The following TARS3 variants were observed in gnomAD, a reference collection of about 807,000 sequenced individuals.
The protein encoded by TARS3 is threonyl-tRNA synthetase 3.
In TARS3, 94 loss-of-function variants were observed where a neutral mutation model predicts 103.5. The observed-to-expected ratio is 0.91, with a 90% CI of 0.77 to 1.08. TARS3 has a LOEUF of 1.08. TARS3 is among the 50% of genes least tolerant of loss of function. The probability of loss-of-function intolerance (pLI) is 0.00; values close to 1 mark genes in which losing one functional copy is unlikely to be tolerated. For synonymous variants in TARS3, 416 were observed against 355.4 expected (o/e 1.17, Z -1.92); for missense variants, 952 against 995.2 (o/e 0.96, Z 0.58).
intron 1 of TARS3, among the ~76,000 whole-genome samples, 160 bp from the exon 2 acceptor site, chr15:101,723,324 C>A (rs1441867689): frequency 6.6e-6 from 1 of 152,160 alleles, no homozygotes; most frequent in African/African-American, 2.4e-5. Flanking sequence ...AAGTCATTCT[C>A]CAGGGTTCAG....
chr15:101,655,795 C>T, intron 18 of TARS3: 1 of 1,206,998 alleles, frequency 8.3e-7, no homozygotes, highest in South Asian at 1.5e-5. Flanking sequence ...CTCACACTGA[C>T]CCCACCTGGC....
At chr15:101,698,573 T>C (rs1899097351) in intron 10 of TARS3, among the ~76,000 whole-genome samples, 1 of 152,176 alleles carries the variant, frequency 6.6e-6, no homozygotes, top group Non-Finnish European at 1.5e-5. Flanking sequence ...CCTCCTACTC[T>C]ACCCCACTCC....
intron 4 of TARS3, 73 bp from the exon 5 acceptor site, chr15:101,712,074 A>T (rs1181008478): frequency 6.7e-7 from 1 of 1,495,034 alleles, no homozygotes; most frequent in Non-Finnish European, 8.9e-7. Flanking sequence ...AAATGATGTA[A>T]ACCAGTAGAA....
intron 10 of TARS3, among the ~76,000 whole-genome samples, chr15:101,696,357 G>C (rs1898981608): frequency 6.6e-6 from 1 of 151,900 alleles, no homozygotes; most frequent in South Asian, 2.1e-4. Context: ...GCCAATGCCT[G>C]ATGTTTTTAG....
intron 12 of TARS3, among the ~76,000 whole-genome samples, chr15:101,681,220 GT>G (rs1385336006): frequency 1.3e-5 from 2 of 152,082 alleles, no homozygotes; most frequent in East Asian, 1.9e-4. Context: ...TTCCAAATTT[GT>G]TTTTATCTTT....
intron 5 of TARS3, 45 bp from the exon 6 acceptor site, chr15:101,708,955 T>C (rs377173953): frequency 4.0e-6 from 5 of 1,251,300 alleles, no homozygotes; most frequent in African/African-American, 3.1e-5. Flanking sequence ...CCAGACATTA[T>C]GCATTCCCTC....
chr15:101,691,783 T>A (rs1898736383), intron 10 of TARS3, among the ~76,000 whole-genome samples: 1 of 152,222 alleles, frequency 6.6e-6, no homozygotes, highest in Non-Finnish European at 1.5e-5. Context: ...GCCTTGTTGA[T>A]CCTAGATATC....
At chr15:101,674,125 T>C (rs1274142021) in intron 13 of TARS3, among the ~76,000 whole-genome samples, 2 of 152,226 alleles carry the variant, frequency 1.3e-5, no homozygotes, top group African/African-American at 4.8e-5. Context: ...ATGTGAACCG[T>C]CCTTTCGTCC....
At chr15:101,715,016 CCTTAAAATATTAAAAGAATTT>C in intron 3 of TARS3, 53 bp from the exon 4 acceptor site, 1 of 1,498,164 alleles carries the variant, frequency 6.7e-7, no homozygotes, top group South Asian at 1.4e-5. Context: ...TACAATGATT[CCTTAAAATATTAAAAGAATTT>C]CTAGGGTTTT....
chr15:101,664,165 C>G (rs1038592923), intron 15 of TARS3: 1 of 152,358 alleles, frequency 6.6e-6, no homozygotes, highest in Non-Finnish European at 1.5e-5. Flanking sequence ...GTCATCATTT[C>G]TTACCTGGTC....
chr15:101,661,798 C>T lies in TARS3; in HGVS notation c.1986G>A (p.Lys662=), dbSNP rs961091019. 2.5e-6 allele frequency: 4 copies of T among 1,603,048 alleles called. No homozygotes were observed. The highest frequency in any genetic ancestry group is 2.7e-5 in the African/African-American group (2 of 74,650). Residue 662 remains lysine (K), a synonymous_variant, in exon 16 of 19, where the codon AAG becomes AAA. Coordinates refer to ENST00000335968, the MANE Select transcript of TARS3 (RefSeq NM_152334.3). The stretch of plus-strand genomic sequence containing the variant: ...CTCGATGAATGATCACAGGTCTCTT[C>T]TTATCATCCCCATCCTTACTAAAAA... ...LTYVSKDGDD[K]KRPVIIHRAI...
chr15:101,661,464 G>A (rs1897374499), intron 16 of TARS3, among the ~76,000 whole-genome samples: 1 of 151,342 alleles, frequency 6.6e-6, no homozygotes, highest in Non-Finnish European at 1.5e-5. Flanking sequence ...AAAGGTAAAT[G>A]GTACAGTTTT....
At chr15:101,693,205 A>G (rs143089467) in intron 10 of TARS3, among the ~76,000 whole-genome samples, 293 of 152,328 alleles carry the variant, frequency 1.9e-3, no homozygotes, top group Non-Finnish European at 3.4e-3. Context: ...AGACAAACCC[A>G]AGACTGGGTA....
At chr15:101,700,898 T>TC (rs774209720) in intron 10 of TARS3, among the ~76,000 whole-genome samples, 188 bp downstream of exon 10, 5 of 152,192 alleles carry the variant, frequency 3.3e-5, no homozygotes, top group Non-Finnish European at 7.3e-5. Flanking sequence ...CACCTTGGCC[T>TC]CCCAAAGTGC....
chr15:101,664,927 C>T (rs540294487), intron 15 of TARS3, among the ~76,000 whole-genome samples: 1 of 152,156 alleles, frequency 6.6e-6, no homozygotes, highest in African/African-American at 2.4e-5. Flanking sequence ...ACACGAACAA[C>T]AGAGATTGTA....
intron 16 of TARS3, among the ~76,000 whole-genome samples, chr15:101,658,109 A>C (rs1399322177): frequency 1.3e-5 from 2 of 152,202 alleles, no homozygotes; most frequent in African/African-American, 4.8e-5. Context: ...GCATGCACTT[A>C]CTGTCTGCCC....
chr15:101,718,322 C>T (rs529807408), intron 3 of TARS3, among the ~76,000 whole-genome samples: 1 of 148,584 alleles, frequency 6.7e-6, no homozygotes, highest in Non-Finnish European at 1.5e-5. Context: ...GAGCCAAGAT[C>T]GAGAAAAGGG....
At chr15:101,669,146 G>A (rs532673283) in intron 15 of TARS3, among the ~76,000 whole-genome samples, 5 of 152,288 alleles carry the variant, frequency 3.3e-5, no homozygotes, top group African/African-American at 4.8e-5. Context: ...CAGTGATATC[G>A]ATAACCTTGG....
At chr15:101,682,908 A>T (rs1898311065) in intron 12 of TARS3, among the ~76,000 whole-genome samples, 1 of 152,208 alleles carries the variant, frequency 6.6e-6, no homozygotes, top group Non-Finnish European at 1.5e-5. Context: ...AAGCTGTCAA[A>T]TGTATGAGCA....
Sources: allele counts gnomAD v4.1 joint callset (sites outside exome capture counted in the v4.1 genomes callset), GRCh38; gene constraint gnomAD v4.1.1; transcripts MANE v1.5; gene names NCBI Gene and HGNC (gene_info 2026-07-23, HGNC 2026-07-21).